Variants in NUBPL observed in about 807,000 individuals in gnomAD.
NUBPL encodes the protein iron-sulfur cluster transfer protein NUBPL.
In NUBPL, 31 loss-of-function variants were observed where a neutral mutation model predicts 45.7. The ratio of observed to expected loss-of-function variants is 0.68; its 90% CI spans 0.51 to 0.92. The LOEUF (loss-of-function observed/expected upper bound fraction) is 0.92. Ranked by LOEUF, NUBPL falls within the 40% of genes least tolerant of loss-of-function variation. NUBPL has a pLI of 0.00. For missense variants in NUBPL, 401 were observed against 398.7 expected (o/e 1.01, Z -0.05); for synonymous variants, 144 against 140.9 (o/e 1.02, Z -0.15).
rs116351659 is a variant in NUBPL, at chr14:31,787,677, G to A, written c.514-103G>A. 1.3e-3 allele frequency: 1,008 copies of A among 791,754 alleles called. 6 individuals carry two copies. The African/African-American group carries it at 0.014, about 11-fold the overall frequency. 49.0% of individuals were successfully genotyped at this position (791,754 alleles called of 1,614,324 possible). ...CCTTGTACCTAGCAATGGCTCAAGC[G>A]ATAGCTATGATTTTATATTTGTTAT... On this transcript the variant is annotated intron_variant, in intron 6 of 10. Transcript: ENST00000281081.
chr14:31,681,980 C>A (rs190610472), intron 6 of NUBPL, among the ~76,000 whole-genome samples: 4 of 152,060 alleles, frequency 2.6e-5, no homozygotes, highest in Admixed American at 6.6e-5. Flanking sequence ...ATATTTCATA[C>A]GCTTTTGGAA....
chr14:31,645,774 A>AACCCCC (rs71399630), intron 4 of NUBPL, among the ~76,000 whole-genome samples: 1 of 82,788 alleles, frequency 1.2e-5, no homozygotes, highest in Non-Finnish European at 2.4e-5. Context: ...TATACTTTAC[A>AACCCCC]CCCCCCCCCC....
intron 4 of NUBPL, among the ~76,000 whole-genome samples, chr14:31,663,771 T>G (rs1246821178): frequency 6.6e-6 from 1 of 152,232 alleles, no homozygotes; most frequent in African/African-American, 2.4e-5. Context: ...TCTAATTCTA[T>G]GAAGAAAGTC....
chr14:31,790,230 G>T (rs1000456293), intron 7 of NUBPL, among the ~76,000 whole-genome samples: 1 of 152,052 alleles, frequency 6.6e-6, no homozygotes, highest in Admixed American at 6.5e-5. Flanking sequence ...CAAGATTTAT[G>T]ATTAAATTAC....
At chr14:31,733,497 G>A (rs904531122) in intron 6 of NUBPL, among the ~76,000 whole-genome samples, 3 of 152,010 alleles carry the variant, frequency 2.0e-5, no homozygotes, top group Admixed American at 6.6e-5. Flanking sequence ...ATTTATTTAG[G>A]TATTTAAAAA....
intron 7 of NUBPL, among the ~76,000 whole-genome samples, chr14:31,823,049 T>C (rs1419166918): frequency 1.3e-5 from 2 of 152,102 alleles, no homozygotes; most frequent in Admixed American, 6.5e-5. Flanking sequence ...CCTATGGAAA[T>C]AGATTCATTT....
intron 6 of NUBPL, among the ~76,000 whole-genome samples, chr14:31,718,192 G>A (rs1218285462): frequency 6.6e-6 from 1 of 152,124 alleles, no homozygotes; most frequent in East Asian, 1.9e-4. Flanking sequence ...TCCAGCCCTA[G>A]TCCCAGATCT....
At chr14:31,734,106 A>T (rs2038112534) in intron 6 of NUBPL, among the ~76,000 whole-genome samples, 1 of 152,160 alleles carries the variant, frequency 6.6e-6, no homozygotes, top group African/African-American at 2.4e-5. Context: ...TCATTTTGTC[A>T]TGATGTATTA....
At position 31,636,405 on chromosome 14, in the gene NUBPL, G is replaced by A. The variant is rs569299009; in HGVS notation, c.383-36950G>A. ...TGCTGGATTACATTTATTGATTTGC[G>A]TATATTGAACCAGCTTTGCATCGCA... On this transcript the variant is annotated intron_variant, in intron 4 of 10. Coordinates refer to ENST00000281081, the MANE Select transcript of NUBPL (RefSeq NM_025152.3). Among the ~76,000 whole-genome samples the A allele has an allele frequency of 4.1e-4, 63 of 152,256 alleles. 1 individual carries two copies. Among genetic ancestry groups the A allele is most frequent in the African/African-American group, 1.3e-3 (53 of 41,540 alleles).
At chr14:31,789,852 T>G (rs767114493) in intron 7 of NUBPL, among the ~76,000 whole-genome samples, 1 of 151,980 alleles carries the variant, frequency 6.6e-6, no homozygotes, top group Non-Finnish European at 1.5e-5. Flanking sequence ...AAATATGAGA[T>G]GGGAGTAAAA....
In NUBPL at chr14:31,720,779, A is replaced by G. The variant is rs141121545; in HGVS notation, c.513+47205A>G. Among the ~76,000 whole-genome samples, 56 of 152,350 alleles carry G rather than the reference A, an allele frequency of 3.7e-4. 1 individual carries two copies. The East Asian group carries it at 9.4e-3, about 26-fold the overall frequency. On this transcript the variant is annotated intron_variant, in intron 6 of 10. Transcript: ENST00000281081. ...TATATTTCACATGCTCAGTAGTCAC[A>G]TGTGGCTAGTGGCTATTGTGTTGGA...
At chr14:31,684,428 C>G (rs28631166) in intron 6 of NUBPL, among the ~76,000 whole-genome samples, 5,582 of 152,080 alleles carry the variant, frequency 0.037, 136 homozygotes, top group African/African-American at 0.078. Context: ...GGTTTTGTAT[C>G]GTTTTTGCAG....
chr14:31,687,537 C>T (rs1273918681), intron 6 of NUBPL, among the ~76,000 whole-genome samples: 1 of 152,224 alleles, frequency 6.6e-6, no homozygotes, highest in Non-Finnish European at 1.5e-5. Flanking sequence ...CACTGTACTA[C>T]ATACTATACT....
intron 6 of NUBPL, among the ~76,000 whole-genome samples, chr14:31,688,162 A>C (rs1335297889): frequency 6.6e-6 from 1 of 152,240 alleles, no homozygotes; most frequent in Non-Finnish European, 1.5e-5. Context: ...TGGAGAATTT[A>C]ATGCCAGCAA....
At chr14:31,650,218 C>G (rs1408461390) in intron 4 of NUBPL, among the ~76,000 whole-genome samples, 1 of 151,496 alleles carries the variant, frequency 6.6e-6, no homozygotes, top group Non-Finnish European at 1.5e-5. Flanking sequence ...GATATAAGTT[C>G]AAGTAATTGC....
intron 4 of NUBPL, among the ~76,000 whole-genome samples, chr14:31,618,868 T>C (rs935913364): frequency 6.6e-6 from 1 of 152,168 alleles, no homozygotes; most frequent in African/African-American, 2.4e-5. Flanking sequence ...CGTAGATCTG[T>C]CTAATATTGA....
At chr14:31,758,988 T>C (rs1295872413) in intron 6 of NUBPL, among the ~76,000 whole-genome samples, 1 of 152,088 alleles carries the variant, frequency 6.6e-6, no homozygotes, top group African/African-American at 2.4e-5. Context: ...AGGTGGACGG[T>C]TCCTCTTACC....
At chr14:31,759,832 A>G (rs923298281) in intron 6 of NUBPL, among the ~76,000 whole-genome samples, 17 of 151,242 alleles carry the variant, frequency 1.1e-4, no homozygotes, top group African/African-American at 4.1e-4. Context: ...TCAACACTTT[A>G]TTATATAATA....
At chr14:31,810,465 G>T (rs927704879) in intron 7 of NUBPL, among the ~76,000 whole-genome samples, 6 of 151,350 alleles carry the variant, frequency 4.0e-5, no homozygotes, top group East Asian at 2.0e-4. Flanking sequence ...TTTTCCATTT[G>T]CTTGGTAGAT....
Sources: allele counts gnomAD v4.1 joint callset (sites outside exome capture counted in the v4.1 genomes callset), GRCh38; gene constraint gnomAD v4.1.1; transcripts MANE v1.5; gene names NCBI Gene and HGNC (gene_info 2026-07-23, HGNC 2026-07-21).